The following SNW1 variants were observed in gnomAD, a reference collection of about 807,000 sequenced individuals.
The protein encoded by SNW1 is SNW domain-containing protein 1.
A neutral mutation model predicts 75.6 loss-of-function variants in SNW1; 9 were observed. The ratio of observed to expected loss-of-function variants is 0.12; its 90% CI spans 0.07 to 0.21. SNW1 has a LOEUF of 0.21. Among genes scored for constraint, SNW1 ranks in the 10% least tolerant of loss-of-function variants. The pLI is 1.00. For synonymous variants in SNW1, 200 were observed against 219.1 expected, an observed-to-expected ratio of 0.91 and a Z score of 0.77; for missense variants, 409 against 670.9, an observed-to-expected ratio of 0.61 and a Z score of 4.31.
intron 1 of SNW1, among the ~76,000 whole-genome samples, chr14:77,760,453 G>C (rs750089890): frequency 6.6e-6 from 1 of 152,176 alleles, no homozygotes; most frequent in Non-Finnish European, 1.5e-5. Context: ...CCACTGAAAA[G>C]CATCTTTTTC....
chr14:77,760,838 A>C (rs1312337115), intron 1 of SNW1: 2 of 738,040 alleles, frequency 2.7e-6, no homozygotes, highest in Non-Finnish European at 4.8e-6. Flanking sequence ...TCCCCGCAAG[A>C]TGCTCACGCG....
intron 11 of SNW1, among the ~76,000 whole-genome samples, chr14:77,721,891 G>A: frequency 6.6e-6 from 1 of 152,118 alleles, no homozygotes; most frequent in South Asian, 2.1e-4. Context: ...GGGACTACCG[G>A]CATGTGCCAC....
At chr14:77,733,745 A>C (rs2080646463) in intron 8 of SNW1, among the ~76,000 whole-genome samples, 1 of 74,152 alleles carries the variant, frequency 1.3e-5, no homozygotes, top group African/African-American at 9.7e-5. Flanking sequence ...ACCGTCTCAA[A>C]AAAAAAAAAA....
chr14:77,748,424 A>C (rs1052825868), intron 3 of SNW1, among the ~76,000 whole-genome samples: 3 of 151,600 alleles, frequency 2.0e-5, no homozygotes. Context: ...AAAATAAATA[A>C]ATAAATAAAT....
At chr14:77,757,452 C>T (rs2080849850) in intron 1 of SNW1, among the ~76,000 whole-genome samples, 1 of 152,296 alleles carries the variant, frequency 6.6e-6, no homozygotes, top group East Asian at 1.9e-4. Flanking sequence ...ATAAGAGTAT[C>T]TACTTCATAA....
At chr14:77,747,144 C>G (rs901995645) in intron 3 of SNW1, among the ~76,000 whole-genome samples, 13 of 152,192 alleles carry the variant, frequency 8.5e-5, no homozygotes, top group African/African-American at 3.1e-4. Flanking sequence ...GTCTCCAGCT[C>G]CTAACCGTGA....
chr14:77,724,263 G>A (rs988275948), intron 10 of SNW1, among the ~76,000 whole-genome samples: 14 of 152,250 alleles, frequency 9.2e-5, no homozygotes, highest in African/African-American at 2.9e-4. Flanking sequence ...AACAAAATGT[G>A]TAATAATCAA....
intron 12 of SNW1, 49 bp from the exon 13 acceptor site, chr14:77,718,579 A>G (rs779409024): frequency 2.2e-5 from 28 of 1,264,900 alleles, no homozygotes; most frequent in Non-Finnish European, 3.1e-5. Flanking sequence ...ATTGTTTATC[A>G]AAAGCTGAAT....
At position 77,726,592 on chromosome 14, in the gene SNW1, G is replaced by A. The variant is rs557541700; in HGVS notation, c.1034-3315C>T. 1.1e-4 allele frequency among the ~76,000 whole-genome samples: 16 copies of A among 152,278 alleles called. No individual in the cohort carries two copies. In the South Asian group the frequency reaches 3.3e-3, roughly 32 times the overall value. ...ACCAGCACTTTGGGAGGCTGAGGCAGGCAGATCACCTGAGGTCTGAGACCA... is the reference window on the plus strand; with the variant it reads ...ACCAGCACTTTGGGAGGCTGAGGCAAGCAGATCACCTGAGGTCTGAGACCA... On this transcript the variant is annotated intron_variant, in intron 10 of 13. Coordinates refer to ENST00000261531, the MANE Select transcript of SNW1 (RefSeq NM_012245.3).
intron 10 of SNW1, among the ~76,000 whole-genome samples, chr14:77,729,411 G>A (rs987163111): frequency 4.6e-5 from 7 of 151,944 alleles, no homozygotes; most frequent in Non-Finnish European, 8.8e-5. Flanking sequence ...ATCCAATATG[G>A]GACCATGTTT....
chr14:77,746,173 T>C (rs548990204), intron 3 of SNW1, among the ~76,000 whole-genome samples: 22 of 152,382 alleles, frequency 1.4e-4, no homozygotes, highest in Non-Finnish European at 2.4e-4. Context: ...AAGCATGCCA[T>C]AGCAGCTTAG....
intron 3 of SNW1, among the ~76,000 whole-genome samples, chr14:77,748,905 T>A (rs72687222): frequency 0.2 from 29,648 of 151,914 alleles, 3,007 homozygotes; most frequent in Non-Finnish European, 0.23. Flanking sequence ...TAATTTTTTT[T>A]AAAAAAATCA....
At chr14:77,722,840 T>TTC (rs1469030221) in intron 11 of SNW1, 2 of 263,036 alleles carry the variant, frequency 7.6e-6, no homozygotes, top group Admixed American at 4.7e-5. Flanking sequence ...GTACATATCT[T>TTC]TTTTTTTTTT....
intron 8 of SNW1, among the ~76,000 whole-genome samples, chr14:77,733,193 C>G (rs2080640916): frequency 7.3e-6 from 1 of 137,364 alleles, no homozygotes; most frequent in Non-Finnish European, 1.6e-5. Flanking sequence ...CAAGGTCATA[C>G]AGTTAGTAAG....
intron 10 of SNW1, among the ~76,000 whole-genome samples, chr14:77,725,140 G>C (rs1330678404): frequency 5.3e-5 from 8 of 152,166 alleles, no homozygotes; most frequent in Non-Finnish European, 1.2e-4. Context: ...CCATAAGTAT[G>C]TCTTCTTTTG....
chr14:77,737,017 G>T lies in SNW1; in HGVS notation c.592C>A (p.Arg198=), dbSNP rs1353157084. 1.9e-6 allele frequency: 3 copies of T among 1,613,798 alleles called. No homozygotes were observed. The highest frequency in any genetic ancestry group is 3.3e-5 in the Admixed American group (2 of 59,992). ...GGATCTTTCTGCATTTCTACCATCCGAATAACCCTCTGTTTAGCTCCAGAG... is the reference window on the plus strand; with the variant it reads ...GGATCTTTCTGCATTTCTACCATCCTAATAACCCTCTGTTTAGCTCCAGAG... ...FNSGAKQRVI[R]MVEMQKDPME... The change falls in exon 6 of 14, where the codon CGG becomes AGG. Residue 198 remains arginine (R), a synonymous_variant. Coordinates refer to ENST00000261531, the MANE Select transcript of SNW1 (RefSeq NM_012245.3).
chr14:77,747,736 C>T lies in SNW1; in HGVS notation c.330+3583G>A, dbSNP rs895436012. Among the ~76,000 whole-genome samples, 27 of 147,508 alleles carry T rather than the reference C, an allele frequency of 1.8e-4. 1 individual carries two copies. Among genetic ancestry groups the T allele is most frequent in the African/African-American group, 4.3e-4 (16 of 37,542 alleles). On this transcript the variant is annotated intron_variant, in intron 3 of 13. Coordinates refer to ENST00000261531, the MANE Select transcript of SNW1 (RefSeq NM_012245.3). ...GCAGCCCCCGCCCCGGCAGCCGCCC[C>T]GTCTGGGAGGGAGGTGGGGGCCAGC...
Position 77,736,020 on chromosome 14 carries a change from A to G in SNW1, c.639-14T>C, listed in dbSNP as rs1394760312. ...TTCTTATTAATCCTGAAGTATAAAA[A>G]CACAACCAGAGAGTGATATAGTTTC... On this transcript the variant is annotated splice_polypyrimidine_tract_variant and intron_variant, in intron 6 of 13. Coordinates refer to ENST00000261531, the MANE Select transcript of SNW1 (RefSeq NM_012245.3). 2 of 1,594,590 alleles carry G rather than the reference A, an allele frequency of 1.3e-6. No homozygotes were observed. Among genetic ancestry groups the G allele is most frequent in the South Asian group, 2.2e-5 (2 of 90,354 alleles).
chr14:77,740,653 TC>T (rs2080711009), intron 3 of SNW1, among the ~76,000 whole-genome samples: 1 of 152,148 alleles, frequency 6.6e-6, no homozygotes, highest in African/African-American at 2.4e-5. Context: ...AGATCAAAGG[TC>T]CTCCATTATC....
Sources: gnomAD v4.1 joint callset for allele counts (sites outside exome capture counted in the v4.1 genomes callset) on GRCh38, gnomAD v4.1.1 for gene constraint, MANE v1.5 for transcripts, NCBI Gene and HGNC (gene_info 2026-07-23, HGNC 2026-07-21) for gene names.